CACNB2: variants seen among roughly 807,000 people sequenced by gnomAD.
The protein encoded by CACNB2 is calcium voltage-gated channel auxiliary subunit beta 2, also known as voltage-dependent L-type calcium channel subunit beta-2.
A neutral mutation model predicts 73.3 loss-of-function variants in CACNB2; 42 were observed. The ratio of observed to expected loss-of-function variants is 0.57; its 90% CI spans 0.45 to 0.74. The LOEUF (loss-of-function observed/expected upper bound fraction) is 0.74. CACNB2 is among the 30% of genes least tolerant of loss of function. The pLI is 0.00. For synonymous variants in CACNB2, 348 were observed against 310.3 expected, an observed-to-expected ratio of 1.12 and a Z score of -1.28; for missense variants, 940 against 853.0, an observed-to-expected ratio of 1.10 and a Z score of -1.27.
rs758349246 is a variant in CACNB2, at chr10:18,401,956, C to G, written c.246C>G (p.Ser82=). The G allele has an allele frequency of 1.2e-6, 2 of 1,613,780 alleles. No individual in the cohort carries two copies. Among genetic ancestry groups the G allele is most frequent in the Non-Finnish European group, 1.7e-6 (2 of 1,179,814 alleles). The change falls in exon 3 of 14, where the codon TCC becomes TCG. Residue 82 remains serine (S), a synonymous_variant. Transcript: ENST00000324631. ...GSADSYTSRP[S]DSDVSLEEDR... ...CAGACTCCTACACTAGCCGTCCATC[C>G]GATTCCGATGTATCTCTGGAGGAGG...
At chr10:18,363,053 C>T (rs1431658009) in intron 2 of CACNB2, among the ~76,000 whole-genome samples, 1 of 152,168 alleles carries the variant, frequency 6.6e-6, no homozygotes, top group African/African-American at 2.4e-5. Context: ...ACAGTTTATC[C>T]ACCTGTCTCT....
rs376391819 is a variant in CACNB2, at chr10:18,441,055, T to C, written c.333+39012T>C. Among the ~76,000 whole-genome samples, 63 of 152,266 alleles carry C rather than the reference T, an allele frequency of 4.1e-4. No individual in the cohort carries two copies. The East Asian group carries it at 0.01, about 25-fold the overall frequency. On this transcript the variant is annotated intron_variant, in intron 3 of 13. Coordinates refer to ENST00000324631, the MANE Select transcript of CACNB2 (RefSeq NM_201596.3). ...TGGGAACCAGTGTGGAAGCGGGAAA[T>C]GGGTCAGGTGGCCAGTAGTTGAGGG... is the stretch of plus-strand genomic sequence containing the variant.
chr10:18,260,672 C>T, intron 2 of CACNB2: 3 of 988,988 alleles, frequency 3.0e-6, no homozygotes, highest in Non-Finnish European at 2.4e-6. Context: ...CAGATATGCC[C>T]AAAACGTTAC....
At chr10:18,394,409 G>T (rs1364644962) in intron 2 of CACNB2, among the ~76,000 whole-genome samples, 1 of 152,162 alleles carries the variant, frequency 6.6e-6, no homozygotes, top group Admixed American at 6.5e-5. Context: ...AAAAACATAT[G>T]CTTTTGATTA....
rs556752057 is a variant in CACNB2 at position 18,539,084 on chromosome 10, A to T, written c.1489-146A>T. 179 of 981,590 alleles carry T rather than the reference A, an allele frequency of 1.8e-4. No individual in the cohort carries two copies. In the African/African-American group the frequency reaches 2.6e-3, roughly 14 times the overall value. 60.8% of individuals were successfully genotyped at this position (981,590 alleles called of 1,614,324 possible). On this transcript the variant is annotated intron_variant, in intron 13 of 13. Transcript: ENST00000324631. ...TATAAAGCCTTATAAATGCCACTGG[A>T]TGTTACCAAAGGGATGAAGCTAGGT...
intron 2 of CACNB2, among the ~76,000 whole-genome samples, chr10:18,312,250 A>G (rs1029739429): frequency 1.3e-5 from 2 of 152,184 alleles, no homozygotes; most frequent in African/African-American, 2.4e-5. Context: ...ACTCAGTCAC[A>G]CATTTTAAAT....
intron 2 of CACNB2, among the ~76,000 whole-genome samples, chr10:18,182,670 A>G (rs773417068): frequency 4.6e-5 from 7 of 151,854 alleles, no homozygotes; most frequent in Non-Finnish European, 7.4e-5. Context: ...AAAATACAAA[A>G]GATTAGCCAG....
At chr10:18,197,074 C>T (rs777508254) in intron 2 of CACNB2, among the ~76,000 whole-genome samples, 23 of 152,100 alleles carry the variant, frequency 1.5e-4, no homozygotes, top group Non-Finnish European at 2.6e-4. Flanking sequence ...TAGGGAACCT[C>T]ATTATGCCTC....
intron 2 of CACNB2, among the ~76,000 whole-genome samples, chr10:18,199,576 T>C (rs990048939): frequency 3.3e-5 from 5 of 152,144 alleles, no homozygotes; most frequent in African/African-American, 1.2e-4. Context: ...GAAGGAGTAA[T>C]AGGAGACAGG....
intron 2 of CACNB2, among the ~76,000 whole-genome samples, chr10:18,229,376 G>T (rs1205172844): frequency 2.0e-5 from 3 of 152,208 alleles, no homozygotes; most frequent in South Asian, 2.1e-4. Flanking sequence ...AAATAGCAGA[G>T]ATCTAAAATT....
chr10:18,410,459 GAAGA>G (rs1343747358), intron 3 of CACNB2, among the ~76,000 whole-genome samples: 1 of 152,106 alleles, frequency 6.6e-6, no homozygotes, highest in African/African-American at 2.4e-5. Context: ...GAAGAAGAAA[GAAGA>G]AACATGAACA....
At chr10:18,482,484 A>C (rs1589492708) in intron 3 of CACNB2, among the ~76,000 whole-genome samples, 3 of 151,924 alleles carry the variant, frequency 2.0e-5, no homozygotes, top group Admixed American at 2.0e-4. Context: ...CCTTGAGCAG[A>C]TATTTGGGTG....
At chr10:18,154,868 C>T (rs376006403) in intron 2 of CACNB2, among the ~76,000 whole-genome samples, 9 of 152,248 alleles carry the variant, frequency 5.9e-5, no homozygotes, top group Admixed American at 2.6e-4. Flanking sequence ...CAAGCTAAGG[C>T]GAGAGAGGCC....
intron 3 of CACNB2, among the ~76,000 whole-genome samples, chr10:18,439,314 C>T (rs1430885035): frequency 5.3e-5 from 8 of 152,192 alleles, no homozygotes; most frequent in Non-Finnish European, 1.5e-5. Context: ...CATCTCCATG[C>T]CAACTCACCA....
intron 6 of CACNB2, among the ~76,000 whole-genome samples, chr10:18,512,748 G>C (rs1409504303): frequency 4.6e-5 from 7 of 152,144 alleles, no homozygotes; most frequent in Non-Finnish European, 1.0e-4. Context: ...CTCTTGAAAA[G>C]CACTTTCTGC....
chr10:18,327,209 G>A (rs1381186472), intron 2 of CACNB2, among the ~76,000 whole-genome samples: 1 of 151,992 alleles, frequency 6.6e-6, no homozygotes. Context: ...GGATTTGAGG[G>A]TCCAAGAAAA....
chr10:18,477,104 T>C (rs1052344958), intron 3 of CACNB2, among the ~76,000 whole-genome samples: 1 of 152,124 alleles, frequency 6.6e-6, no homozygotes, highest in Non-Finnish European at 1.5e-5. Context: ...TTGGTCCTTT[T>C]GTTATTTGAG....
intron 9 of CACNB2, among the ~76,000 whole-genome samples, chr10:18,520,664 C>T (rs2133178641): frequency 6.6e-6 from 1 of 152,286 alleles, no homozygotes; most frequent in East Asian, 1.9e-4. Flanking sequence ...TCCACACGTC[C>T]TTACCTAGAT....
At chr10:18,179,431 T>A (rs2033766238) in intron 2 of CACNB2, among the ~76,000 whole-genome samples, 1 of 152,202 alleles carries the variant, frequency 6.6e-6, no homozygotes, top group South Asian at 2.1e-4. Context: ...TTATGTTCTT[T>A]CCATTTAGTC....
Sources: gnomAD v4.1 joint callset for allele counts (sites outside exome capture counted in the v4.1 genomes callset) on GRCh38, gnomAD v4.1.1 for gene constraint, MANE v1.5 for transcripts, NCBI Gene and HGNC (gene_info 2026-07-23, HGNC 2026-07-21) for gene names.